Variants in ARL10 observed in about 807,000 individuals in gnomAD.
The protein encoded by ARL10 is ADP-ribosylation factor-like protein 10.
A neutral mutation model predicts 26.1 loss-of-function variants in ARL10; 23 were observed. The ratio of observed to expected loss-of-function variants is 0.88; its 90% CI spans 0.63 to 1.25. The LOEUF (loss-of-function observed/expected upper bound fraction) is 1.25. Among genes scored for constraint, ARL10 ranks in the 50% most tolerant of loss-of-function variants. The pLI is 0.00. For synonymous variants in ARL10, 138 were observed against 149.1 expected (o/e 0.93, Z 0.54); for missense variants, 300 against 323.6 (o/e 0.93, Z 0.56).
the ARL10 span, among the ~76,000 whole-genome samples, chr5:176,407,008 G>C: frequency 1.3e-5 from 2 of 152,234 alleles, no homozygotes; most frequent in Admixed American, 1.3e-4. Context: ...TGCCTGTAAG[G>C]ATTCTCGGAT....
chr5:176,394,155 T>A (rs1581420630), intron 1 of ARL10, among the ~76,000 whole-genome samples: 1 of 152,218 alleles, frequency 6.6e-6, no homozygotes, highest in African/African-American at 2.4e-5. Context: ...AGGAAAGTGC[T>A]GCGTGGAGCT....
rs192045843 is a variant in ARL10 at position 176,393,883 on chromosome 5, G to A, written c.134-7858G>A. Among the ~76,000 whole-genome samples the A allele has an allele frequency of 1.0e-3, 153 of 152,340 alleles. No individual in the cohort carries two copies. Among genetic ancestry groups the A allele is most frequent in the African/African-American group, 3.4e-3 (141 of 41,574 alleles). The stretch of plus-strand genomic sequence containing the variant: ...GTGAGGAGAGCTGGGTCTATGTCCT[G>A]TTTGGCCAGCGAGGGTCGCTCACAA... On this transcript the variant is annotated intron_variant, in intron 1 of 1. Coordinates refer to the ARL10 transcript ENST00000514533. This position sits in a 1 kb window ranked among gnomAD's most constrained non-coding sequence, Gnocchi z 4.4.
At chr5:176,411,143 G>C in the ARL10 span, among the ~76,000 whole-genome samples, 2 of 152,198 alleles carry the variant, frequency 1.3e-5, no homozygotes, top group East Asian at 3.8e-4. Context: ...TGACTTTGCA[G>C]GTGCTCAATA....
At position 176,373,542 on chromosome 5, in the gene ARL10, G is replaced by GT. The variant is rs1448951308; in HGVS notation, c.*1648dup. On this transcript the variant is annotated 3_prime_UTR_variant, in exon 4 of 4. Transcript: ENST00000310389. ...GCCTCAGTTCCACACCGTGACCAGT[G>GT]TAAGAAGAGGAACTATGATAAAAAC... 4 of 152,412 alleles carry GT rather than the reference G, an allele frequency of 2.6e-5. No homozygotes were observed. Among genetic ancestry groups the GT allele is most frequent in the Non-Finnish European group, 5.9e-5 (4 of 68,200 alleles). 9.4% of individuals were successfully genotyped at this position (152,412 alleles called of 1,614,324 possible). A position where few individuals can be genotyped will look rare whatever the true frequency, so the allele number is the denominator to read the frequency against.
At position 176,373,002 on chromosome 5, in the gene ARL10, T is replaced by C. The variant is rs1261043459; in HGVS notation, c.*1107T>C. ...CCTGGCTTTGAGGCTGTCGTCGATA[T>C]CATAGTACTTTACATGGATTCACAT... On this transcript the variant is annotated 3_prime_UTR_variant, in exon 4 of 4. Coordinates refer to ENST00000310389, the MANE Select transcript of ARL10 (RefSeq NM_173664.6). The C allele has an allele frequency of 5.5e-5, 22 of 398,520 alleles. No homozygotes were observed. Among genetic ancestry groups the C allele is most frequent in the Non-Finnish European group, 6.6e-5 (15 of 226,084 alleles). 24.7% of individuals were successfully genotyped at this position (398,520 alleles called of 1,614,324 possible).
At position 176,379,981 on chromosome 5, in the gene ARL10, T is replaced by C. The variant is rs999330667; in HGVS notation, c.*8086T>C. The C allele has an allele frequency of 6.6e-6, 1 of 152,214 alleles. No individual in the cohort carries two copies. The highest frequency in any genetic ancestry group is 1.5e-5 in the Non-Finnish European group (1 of 68,046). 9.4% of individuals were successfully genotyped at this position (152,214 alleles called of 1,614,324 possible). ...CCAGTACGTTTTTGAGTATTTTCTC[T>C]TGGATTAGTTAAGTCTTTATGATGG... On this transcript the variant is annotated 3_prime_UTR_variant, in exon 4 of 4. Coordinates refer to ENST00000310389, the MANE Select transcript of ARL10 (RefSeq NM_173664.6).
intron 1 of ARL10, among the ~76,000 whole-genome samples, chr5:176,396,905 CA>C (rs1455288277): frequency 6.6e-6 from 1 of 152,098 alleles, no homozygotes; most frequent in African/African-American, 2.4e-5. Context: ...TAATACATCA[CA>C]TTTTTTTCTT....
intron 1 of ARL10, among the ~76,000 whole-genome samples, chr5:176,398,924 C>A (rs1756680003): frequency 6.6e-6 from 1 of 151,712 alleles, no homozygotes; most frequent in South Asian, 2.1e-4. Flanking sequence ...TTCACTGCAA[C>A]CTCTGCCTCC....
intron 1 of ARL10, among the ~76,000 whole-genome samples, chr5:176,395,779 G>A (rs1369004856): frequency 6.6e-6 from 1 of 152,168 alleles, no homozygotes; most frequent in African/African-American, 2.4e-5. Context: ...TGTCACAAAG[G>A]AGCAGCTCTT....
rs866181880 is a variant in ARL10 at position 176,381,431 on chromosome 5, A to G, written c.*9536A>G. ...CTGACACCAGTTTGTTAAAAGAAAA[A>G]TTTTATAGACAAGTTAACTTTAACA... On this transcript the variant is annotated 3_prime_UTR_variant, in exon 4 of 4. Transcript: ENST00000310389. 14 of 152,272 alleles carry G rather than the reference A, an allele frequency of 9.2e-5. No homozygotes were observed. Among genetic ancestry groups the G allele is most frequent in the African/African-American group, 3.4e-4 (14 of 41,550 alleles). The allele number at this position is 152,272 out of a possible 1,614,324, so 9.4% of individuals were successfully genotyped here.
chr5:176,389,250 T>C, downstream of ARL10: 4 of 1,497,126 alleles, frequency 2.7e-6, no homozygotes, highest in Non-Finnish European at 3.6e-6. Flanking sequence ...AGATCTTGGC[T>C]TTGGGGAAGC....
At position 176,374,470 on chromosome 5, in the gene ARL10, A is replaced by G. The variant is rs1392106837; in HGVS notation, c.*2575A>G. Reference sequence around the variant, plus strand: ...CTGCATTGGTGTACTTAAGACTACAACACATCAGTGGGGACCTTAGGATGG... The same window carrying G: ...CTGCATTGGTGTACTTAAGACTACAGCACATCAGTGGGGACCTTAGGATGG... On this transcript the variant is annotated 3_prime_UTR_variant, in exon 4 of 4. Transcript: ENST00000310389. 1 of 152,250 alleles carries G rather than the reference A, an allele frequency of 6.6e-6. No individual in the cohort carries two copies. Among genetic ancestry groups the G allele is most frequent in the Admixed American group, 6.5e-5 (1 of 15,284 alleles). The allele number at this position is 152,250 out of a possible 1,614,324, so 9.4% of individuals were successfully genotyped here. A position where few individuals can be genotyped will look rare whatever the true frequency, so the allele number is the denominator to read the frequency against.
chr5:176,394,578 G>C (rs1016982123), intron 1 of ARL10, among the ~76,000 whole-genome samples: 1 of 151,122 alleles, frequency 6.6e-6, no homozygotes, highest in African/African-American at 2.5e-5. Context: ...AGCACTTTGG[G>C]AGGCCAAGGT....
At chr5:176,409,325 G>C in the ARL10 span, among the ~76,000 whole-genome samples, 5 of 141,066 alleles carry the variant, frequency 3.5e-5, no homozygotes, top group East Asian at 1.1e-3. Context: ...ACCATACTGT[G>C]TATATTATTC....
Position 176,372,582 on chromosome 5 carries a change from C to G in ARL10, c.*687C>G. On this transcript the variant is annotated 3_prime_UTR_variant, in exon 4 of 4. Coordinates refer to ENST00000310389, the MANE Select transcript of ARL10 (RefSeq NM_173664.6). ...TGCCTTTCCCTGAGCCCAGGCCTGG[C>G]CTGCCAGCCTCTCTTGACTACAGAA... 1 of 227,270 alleles carries G rather than the reference C, an allele frequency of 4.4e-6. No homozygotes were observed. The highest frequency in any genetic ancestry group is 8.5e-6 in the Non-Finnish European group (1 of 117,748). 14.1% of individuals were successfully genotyped at this position (227,270 alleles called of 1,614,324 possible). A position where few individuals can be genotyped will look rare whatever the true frequency, so the allele number is the denominator to read the frequency against.
chr5:176,381,358 C>T lies in ARL10; in HGVS notation c.*9463C>T, dbSNP rs2113567969. 1 of 152,338 alleles carries T rather than the reference C, an allele frequency of 6.6e-6. No homozygotes were observed. Among genetic ancestry groups the T allele is most frequent in the Middle Eastern group, 3.4e-3 (1 of 294 alleles). The allele number at this position is 152,338 out of a possible 1,614,324, so 9.4% of individuals were successfully genotyped here. A position where few individuals can be genotyped will look rare whatever the true frequency, so the allele number is the denominator to read the frequency against. The stretch of plus-strand genomic sequence containing the variant: ...CTGGCAGATACCTTTTTTGCATGGT[C>T]ACTCAGTGCTCCTGGAGGTTGCTGA... On this transcript the variant is annotated 3_prime_UTR_variant, in exon 4 of 4. Coordinates refer to ENST00000310389, the MANE Select transcript of ARL10 (RefSeq NM_173664.6).
chr5:176,389,560 G>A, downstream of ARL10: 6 of 1,521,070 alleles, frequency 3.9e-6, no homozygotes, highest in Non-Finnish European at 5.3e-6. Flanking sequence ...GCAACCACTG[G>A]CCCTACCGTG....
downstream of ARL10, chr5:176,384,004 G>C (rs749684816): frequency 5.2e-6 from 8 of 1,536,508 alleles, no homozygotes; most frequent in South Asian, 9.5e-5. Flanking sequence ...CCTGAAAACA[G>C]CAGGTTCTGG....
chr5:176,410,343 G>C, the ARL10 span: 7 of 1,588,120 alleles, frequency 4.4e-6, no homozygotes, highest in Non-Finnish European at 6.0e-6. Flanking sequence ...TCACTGTTTA[G>C]CTTATAGCAA....
Sources: gnomAD v4.1 joint callset for allele counts (sites outside exome capture counted in the v4.1 genomes callset) on GRCh38, gnomAD v4.1.1 for gene constraint, Gnocchi (gnomAD v3.1) non-coding constraint, MANE v1.5 for transcripts, NCBI Gene and HGNC (gene_info 2026-07-23, HGNC 2026-07-21) for gene names.